Variants in PHF14 observed in about 807,000 individuals in gnomAD.
The protein encoded by PHF14 is PHD finger protein 14.
PHF14 carries 55 observed loss-of-function variants against 117.9 expected under a neutral mutation model. The ratio of observed to expected loss-of-function variants is 0.47; its 90% CI spans 0.38 to 0.58. The LOEUF is 0.58. PHF14 is among the 20% of genes least tolerant of loss of function. The probability of loss-of-function intolerance (pLI) is 0.00; values close to 1 mark genes in which losing one functional copy is unlikely to be tolerated. For missense variants in PHF14, 978 were observed against 1,122.2 expected (o/e 0.87, Z 1.84); for synonymous variants, 409 against 368.6 (o/e 1.11, Z -1.26).
At chr7:10,993,975 C>G (rs1294608635) in intron 4 of PHF14, among the ~76,000 whole-genome samples, 1 of 144,956 alleles carries the variant, frequency 6.9e-6, no homozygotes, top group Admixed American at 7.1e-5. Flanking sequence ...CGCCAGTGCA[C>G]TTTGGCCTGG....
chr7:11,164,034 A>G (rs1789128069), intron 17 of PHF14, among the ~76,000 whole-genome samples: 1 of 152,188 alleles, frequency 6.6e-6, no homozygotes, highest in Admixed American at 6.5e-5. Flanking sequence ...ATTAATTTGG[A>G]TCCAGTTATA....
At position 11,122,384 on chromosome 7, in the gene PHF14, CATACAT is replaced by C. The variant is rs1379028119; in HGVS notation, c.2772+10919_2772+10924del. Among the ~76,000 whole-genome samples the C allele has an allele frequency of 3.8e-3, 436 of 114,722 alleles. 1 individual carries two copies. The highest frequency in any genetic ancestry group is 6.1e-3 in the Non-Finnish European group (331 of 54,684). The allele number at this position is 114,722 out of a possible 152,430, so 75.3% of individuals were successfully genotyped here. ...ACACACACACACACACACACACACA[CATACAT>C]ACACACACATATATATATACACGTA... On this transcript the variant is annotated intron_variant, in intron 17 of 17. Transcript: ENST00000634607.
At chr7:10,987,885 A>G (rs184097339) in intron 3 of PHF14, among the ~76,000 whole-genome samples, 2 of 151,760 alleles carry the variant, frequency 1.3e-5, no homozygotes, top group African/African-American at 4.8e-5. Context: ...GCGTGGTGGT[A>G]CATACCTGTA....
intron 13 of PHF14, among the ~76,000 whole-genome samples, chr7:11,050,852 T>TA (rs1281508034): frequency 3.3e-5 from 5 of 152,132 alleles, no homozygotes; most frequent in Admixed American, 3.3e-4. Context: ...ACCTTTTTTT[T>TA]CCCCCAACAC....
At chr7:10,997,020 A>G (rs1372774851) in intron 4 of PHF14, among the ~76,000 whole-genome samples, 2 of 152,200 alleles carry the variant, frequency 1.3e-5, no homozygotes, top group Non-Finnish European at 2.9e-5. Context: ...TAAGTGTCGC[A>G]TATATGTTTA....
At chr7:11,164,978 G>C (rs957242539) in intron 17 of PHF14, among the ~76,000 whole-genome samples, 19 of 152,014 alleles carry the variant, frequency 1.2e-4, no homozygotes, top group African/African-American at 4.6e-4. Flanking sequence ...AGGCTGCAGT[G>C]CAGTGGCGCG....
intron 17 of PHF14, among the ~76,000 whole-genome samples, chr7:11,127,006 C>T (rs899598092): frequency 5.3e-5 from 8 of 152,054 alleles, no homozygotes; most frequent in Admixed American, 3.9e-4. Flanking sequence ...AGCTCGATTC[C>T]TTCCATCCCA....
At chr7:11,086,028 G>C (rs1269064000) in intron 16 of PHF14, among the ~76,000 whole-genome samples, 2 of 152,064 alleles carry the variant, frequency 1.3e-5, no homozygotes, top group East Asian at 3.9e-4. Flanking sequence ...GTAAACCGAG[G>C]ATAATAATCT....
chr7:11,011,172 A>G (rs576393038), intron 4 of PHF14, among the ~76,000 whole-genome samples: 4 of 152,340 alleles, frequency 2.6e-5, no homozygotes, highest in Admixed American at 2.6e-4. Context: ...AATGACGTCT[A>G]GTTAATTAAT....
chr7:11,044,555 G>A lies in PHF14; in HGVS notation c.2312+1741G>A, dbSNP rs185277034. Among the ~76,000 whole-genome samples the A allele has an allele frequency of 8.5e-5, 13 of 152,246 alleles. No homozygotes were observed. The East Asian group carries it at 2.5e-3, about 29-fold the overall frequency. On this transcript the variant is annotated intron_variant, in intron 13 of 17. Transcript: ENST00000634607. ...AGCTTTGGTTAGCAGTTAACTGGGT[G>A]TATTAATTTTGGAGTGTGCAAGATT...
chr7:11,011,152 A>C (rs1783342481), intron 4 of PHF14, among the ~76,000 whole-genome samples: 1 of 152,210 alleles, frequency 6.6e-6, no homozygotes, highest in Non-Finnish European at 1.5e-5. Flanking sequence ...ACATGTAACC[A>C]CTGACATATA....
chr7:10,997,112 CTG>C (rs1342545600), intron 4 of PHF14, among the ~76,000 whole-genome samples: 3 of 152,184 alleles, frequency 2.0e-5, no homozygotes, highest in Non-Finnish European at 1.5e-5. Context: ...CCCTTTCTGT[CTG>C]TATTTAATGC....
intron 16 of PHF14, among the ~76,000 whole-genome samples, chr7:11,084,213 A>G (rs1786285906): frequency 6.6e-6 from 1 of 152,190 alleles, no homozygotes; most frequent in African/African-American, 2.4e-5. Flanking sequence ...CACACACACA[A>G]TCTGAAAAAA....
At chr7:10,980,005 G>A (rs991882992) in intron 2 of PHF14, among the ~76,000 whole-genome samples, 5 of 151,976 alleles carry the variant, frequency 3.3e-5, no homozygotes, top group African/African-American at 1.2e-4. Flanking sequence ...TTCAGGCATG[G>A]TTATAAATCA....
intron 17 of PHF14, among the ~76,000 whole-genome samples, chr7:11,133,343 A>G (rs1788135673): frequency 6.6e-6 from 1 of 151,922 alleles, no homozygotes; most frequent in African/African-American, 2.4e-5. Flanking sequence ...TGTATTTGTA[A>G]AAGACAAATA....
rs549358163 is a variant in PHF14, at chr7:11,078,424, T to C, written c.2654+16339T>C. Among the ~76,000 whole-genome samples the C allele has an allele frequency of 6.6e-5, 10 of 152,260 alleles. No homozygotes were observed. The East Asian group carries it at 1.9e-3, about 29-fold the overall frequency. On this transcript the variant is annotated intron_variant, in intron 16 of 17. Transcript: ENST00000634607. ...TTAAGAGGTTGAAATTTTGGTTAAG[T>C]CTCTGCCAGGGAGAGGCTGTATAAC... is the stretch of plus-strand genomic sequence containing the variant.
chr7:11,069,135 T>A (rs1231026350), intron 16 of PHF14, among the ~76,000 whole-genome samples: 1 of 152,144 alleles, frequency 6.6e-6, no homozygotes, highest in Non-Finnish European at 1.5e-5. Flanking sequence ...GGTTGCTGGC[T>A]CCTGAGTATT....
intron 17 of PHF14, among the ~76,000 whole-genome samples, chr7:11,124,160 T>C (rs971481589): frequency 2.6e-5 from 4 of 152,078 alleles, no homozygotes; most frequent in African/African-American, 9.7e-5. Context: ...TTGTTGAATA[T>C]TGGAAAAAAA....
At chr7:11,020,687 C>CT (rs111452639) in intron 5 of PHF14, among the ~76,000 whole-genome samples, 12,957 of 151,448 alleles carry the variant, frequency 0.086, 1,721 homozygotes, top group African/African-American at 0.28. Flanking sequence ...CCACTTCTTT[C>CT]TTTTTTTTTC....
Sources: gnomAD v4.1 joint callset for allele counts (sites outside exome capture counted in the v4.1 genomes callset) on GRCh38, gnomAD v4.1.1 for gene constraint, MANE v1.5 for transcripts, NCBI Gene and HGNC (gene_info 2026-07-23, HGNC 2026-07-21) for gene names.